PPP1R13B: variants seen among roughly 807,000 people sequenced by gnomAD.
PPP1R13B encodes the protein apoptosis-stimulating of p53 protein 1.
A neutral mutation model predicts 119.8 loss-of-function variants in PPP1R13B; 44 were observed. The observed-to-expected ratio is 0.37, with a 90% confidence interval of 0.29 to 0.47. The LOEUF (loss-of-function observed/expected upper bound fraction) is 0.47. Among genes scored for constraint, PPP1R13B ranks in the 20% least tolerant of loss-of-function variants. The pLI, the probability that PPP1R13B is intolerant of heterozygous loss-of-function variation, is 0.99. For synonymous variants in PPP1R13B, 542 were observed against 561.5 expected (o/e 0.97, Z 0.49); for missense variants, 1,227 against 1,413.5 (o/e 0.87, Z 2.12).
intron 2 of PPP1R13B, among the ~76,000 whole-genome samples, chr14:103,787,728 C>CTGCA (rs2085506615): frequency 6.7e-6 from 1 of 149,134 alleles, no homozygotes; most frequent in Non-Finnish European, 1.5e-5. Context: ...TCTCGGCTCA[C>CTGCA]TGCAAGCTCC....
At chr14:103,755,134 G>A (rs2084646481) in intron 5 of PPP1R13B, among the ~76,000 whole-genome samples, 1 of 152,078 alleles carries the variant, frequency 6.6e-6, no homozygotes, top group Admixed American at 6.6e-5. Context: ...CGCTTCTGCA[G>A]AAAACCTTCC....
At chr14:103,799,631 T>TA (rs1555442829) in intron 1 of PPP1R13B, among the ~76,000 whole-genome samples, 14 of 151,270 alleles carry the variant, frequency 9.3e-5, no homozygotes, top group Non-Finnish European at 1.8e-4. Flanking sequence ...TTTTTTTTTT[T>TA]AATTTCAAAA....
At chr14:103,819,525 AC>A (rs1464995477) in intron 1 of PPP1R13B, among the ~76,000 whole-genome samples, 3 of 151,108 alleles carry the variant, frequency 2.0e-5, no homozygotes, top group African/African-American at 4.9e-5. Flanking sequence ...ACAAAAAAAA[AC>A]AACAACAAAA....
intron 1 of PPP1R13B, among the ~76,000 whole-genome samples, chr14:103,798,422 G>A (rs2085814003): frequency 6.6e-6 from 1 of 152,042 alleles, no homozygotes; most frequent in African/African-American, 2.4e-5. Context: ...AAAGTGCTGG[G>A]ATTACAGGTG....
intron 12 of PPP1R13B, chr14:103,739,264 C>T (rs534700490): frequency 2.0e-6 from 1 of 507,036 alleles, no homozygotes; most frequent in South Asian, 3.9e-5. Context: ...CACAGAGGGA[C>T]ACGGCTGTGT....
intron 4 of PPP1R13B, among the ~76,000 whole-genome samples, chr14:103,771,910 T>C (rs2085079087): frequency 6.6e-6 from 1 of 152,172 alleles, no homozygotes; most frequent in East Asian, 1.9e-4. Flanking sequence ...AACTATGAAA[T>C]CAGCACAATC....
rs367830702 is a variant in PPP1R13B at position 103,739,006 on chromosome 14, C to T, written c.2610G>A (p.Leu870=). 1.2e-6 allele frequency: 2 copies of T among 1,613,724 alleles called. No homozygotes were observed. The highest frequency in any genetic ancestry group is 1.7e-6 in the Non-Finnish European group (2 of 1,179,804). Residue 870 remains leucine (L), a synonymous_variant, in exon 13 of 17, where the codon TTG becomes TTA. Coordinates refer to ENST00000202556, the MANE Select transcript of PPP1R13B (RefSeq NM_015316.3). The part of the protein sequence containing the change: ...PATSTNKRTN[L]KKPNSERTGH... ...CCGTCCGCTCCGAGTTGGGCTTCTT[C>T]AAGTTGGTCCGCTTGTTCTGTTGGG...
intron 4 of PPP1R13B, chr14:103,763,837 G>A (rs1377638466): frequency 2.0e-5 from 3 of 152,226 alleles, no homozygotes; most frequent in Non-Finnish European, 4.4e-5. Flanking sequence ...GGCACCCACT[G>A]ATCTGCTTTC....
At chr14:103,793,284 T>C (rs745672847) in intron 2 of PPP1R13B, among the ~76,000 whole-genome samples, 1 of 152,170 alleles carries the variant, frequency 6.6e-6, no homozygotes, top group Non-Finnish European at 1.5e-5. Flanking sequence ...TCATCTTGAA[T>C]TGTAATCCCC....
intron 2 of PPP1R13B, among the ~76,000 whole-genome samples, chr14:103,787,651 T>A (rs1311292209): frequency 1.7e-4 from 8 of 48,352 alleles, no homozygotes; most frequent in African/African-American, 7.3e-4. Context: ...AATTGCTACA[T>A]TTTTTTTTTT....
intron 1 of PPP1R13B, among the ~76,000 whole-genome samples, chr14:103,802,544 C>T (rs1001981266): frequency 1.3e-5 from 2 of 152,318 alleles, no homozygotes; most frequent in South Asian, 2.1e-4. Context: ...TTGCTCTCAA[C>T]GCTCTGAGCT....
At chr14:103,779,728 A>T (rs2085294747) in intron 3 of PPP1R13B, among the ~76,000 whole-genome samples, 1 of 152,188 alleles carries the variant, frequency 6.6e-6, no homozygotes, top group Non-Finnish European at 1.5e-5. Context: ...TAGAGACTGC[A>T]GTGAACCATG....
At chr14:103,794,635 G>GT (rs1567129339) in intron 2 of PPP1R13B, 5 of 446,658 alleles carry the variant, frequency 1.1e-5, no homozygotes, top group Middle Eastern at 6.5e-4. Context: ...GCCAGGTGCA[G>GT]TAAGTTTTAT....
At chr14:103,846,916 G>A in intron 1 of PPP1R13B, 18 of 1,077,310 alleles carry the variant, frequency 1.7e-5, no homozygotes, top group Non-Finnish European at 2.0e-5. Context: ...TGCCCACCCC[G>A]CCGACTCCCA....
rs370298943 is a variant in PPP1R13B at position 103,752,117 on chromosome 14, AT to A, written c.828+882del. On this transcript the variant is annotated intron_variant, in intron 7 of 16. Coordinates refer to ENST00000202556, the MANE Select transcript of PPP1R13B (RefSeq NM_015316.3). ...GTTGGATTCATTCAGATTTTTAAAT[AT>A]TTATGTTATATTTACCTGTTTAGCA... Among the ~76,000 whole-genome samples the A allele has an allele frequency of 1.0e-3, 155 of 152,294 alleles. 1 individual carries two copies. In the East Asian group the frequency reaches 0.027, roughly 26 times the overall value.
chr14:103,810,039 T>C (rs1229874718), intron 1 of PPP1R13B, among the ~76,000 whole-genome samples: 1 of 148,076 alleles, frequency 6.8e-6, no homozygotes, highest in Non-Finnish European at 1.5e-5. Context: ...GTTGGCCAGA[T>C]GGTCTTGATC....
rs774491958 is a variant in PPP1R13B at position 103,733,254 on chromosome 14, G to A, written c.*1900C>T. 3.7e-5 allele frequency: 18 copies of A among 482,200 alleles called. No homozygotes were observed. Among genetic ancestry groups the A allele is most frequent in the Non-Finnish European group, 6.2e-5 (17 of 276,322 alleles). The allele number at this position is 482,200 out of a possible 1,614,324, so 29.9% of individuals were successfully genotyped here. On this transcript the variant is annotated 3_prime_UTR_variant, in exon 17 of 17. Coordinates refer to ENST00000202556, the MANE Select transcript of PPP1R13B (RefSeq NM_015316.3). The stretch of plus-strand genomic sequence containing the variant: ...ATTTGTGTATTGTCAATACTTAATT[G>A]GGGGTGGGAGAGACTGAGCTACACT...
intron 3 of PPP1R13B, among the ~76,000 whole-genome samples, chr14:103,779,153 G>A (rs896482232): frequency 6.8e-6 from 1 of 146,938 alleles, no homozygotes; most frequent in Admixed American, 6.8e-5. Flanking sequence ...AGCCGGGTAT[G>A]GTGGTGCACC....
Position 103,846,074 on chromosome 14 carries a change from T to C in PPP1R13B, c.9+1225A>G, listed in dbSNP as rs181191777. Reference sequence around the variant, plus strand: ...AGCTAAAAAGTGGAAGAACCAGCGTTTCACCCCAGATCTTCTGATGCTCAT... The same window carrying C: ...AGCTAAAAAGTGGAAGAACCAGCGTCTCACCCCAGATCTTCTGATGCTCAT... On this transcript the variant is annotated intron_variant, in intron 1 of 16. Coordinates refer to ENST00000202556, the MANE Select transcript of PPP1R13B (RefSeq NM_015316.3). Among the ~76,000 whole-genome samples, 43 of 152,318 alleles carry C rather than the reference T, an allele frequency of 2.8e-4. No individual in the cohort carries two copies. The East Asian group carries it at 7.7e-3, about 27-fold the overall frequency.
Sources: gnomAD v4.1 joint callset for allele counts (sites outside exome capture counted in the v4.1 genomes callset) on GRCh38, gnomAD v4.1.1 for gene constraint, MANE v1.5 for transcripts, NCBI Gene and HGNC (gene_info 2026-07-23, HGNC 2026-07-21) for gene names.